Variants in TRAPPC10 observed in about 807,000 individuals in gnomAD.
The protein encoded by TRAPPC10 is trafficking protein particle complex subunit 10, also known as TRAPP 130 kDa subunit.
In TRAPPC10, 23 loss-of-function variants were observed where a neutral mutation model predicts 125.5. The observed-to-expected ratio is 0.18, with a 90% CI of 0.13 to 0.26. The LOEUF (loss-of-function observed/expected upper bound fraction) is 0.26. TRAPPC10 is among the 10% of genes least tolerant of loss of function. TRAPPC10 has a pLI of 1.00. For missense variants in TRAPPC10, 1,123 were observed against 1,308.4 expected (o/e 0.86, Z 2.19); for synonymous variants, 509 against 518.0 (o/e 0.98, Z 0.24).
intron 14 of TRAPPC10, 68 bp from the exon 15 acceptor site, chr21:44,084,054 C>T (rs2037947717): frequency 1.3e-5 from 21 of 1,589,208 alleles, no homozygotes; most frequent in Admixed American, 6.8e-5. Flanking sequence ...CGCTGCACCG[C>T]GCTACCGCAG....
intron 17 of TRAPPC10, chr21:44,089,064 G>C (rs989063449): frequency 4.8e-6 from 1 of 210,142 alleles, no homozygotes. Context: ...GCTATGTGCC[G>C]TGTTATCCTC....
At chr21:44,069,715 G>T (rs139333672) in intron 7 of TRAPPC10, among the ~76,000 whole-genome samples, 1 of 152,154 alleles carries the variant, frequency 6.6e-6, no homozygotes, top group African/African-American at 2.4e-5. Context: ...TGTGGCACCC[G>T]TGAGTCATTG....
At chr21:44,092,405 C>T (rs1035273138) in intron 19 of TRAPPC10, among the ~76,000 whole-genome samples, 3 of 152,178 alleles carry the variant, frequency 2.0e-5, no homozygotes, top group East Asian at 1.9e-4. Flanking sequence ...CGATGGTGCC[C>T]GACACCTTGG....
At chr21:44,083,326 G>T (rs2037891734) in intron 14 of TRAPPC10, 24 bp downstream of exon 14, 5 of 1,600,952 alleles carry the variant, frequency 3.1e-6, no homozygotes, top group South Asian at 2.2e-5. Context: ...GTGGGAACTT[G>T]ACTTTCAAGT....
At chr21:44,083,954 T>C (rs568860676) in intron 14 of TRAPPC10, among the ~76,000 whole-genome samples, 168 bp from the exon 15 acceptor site, 1 of 152,318 alleles carries the variant, frequency 6.6e-6, no homozygotes, top group South Asian at 2.1e-4. Flanking sequence ...TCTGAGGGCC[T>C]TGTGAAGAGC....
intron 11 of TRAPPC10, 191 bp from the exon 12 acceptor site, chr21:44,079,373 A>T: frequency 1.9e-6 from 1 of 540,172 alleles, no homozygotes; most frequent in South Asian, 3.0e-5. Flanking sequence ...TTTGCCTGGG[A>T]GTCTAATTAT....
At chr21:44,089,511 G>A (rs1000255526) in intron 17 of TRAPPC10, 5 of 485,160 alleles carry the variant, frequency 1.0e-5, no homozygotes, top group Non-Finnish European at 1.6e-5. Flanking sequence ...ATGGCTCCGC[G>A]GCCCTGCGTG....
intron 7 of TRAPPC10, among the ~76,000 whole-genome samples, chr21:44,071,270 A>C (rs963680361): frequency 9.2e-5 from 14 of 152,270 alleles, no homozygotes; most frequent in African/African-American, 3.1e-4. Flanking sequence ...TTCTAGGATA[A>C]TTTTATTTCT....
intron 17 of TRAPPC10, chr21:44,088,160 G>A: frequency 1.8e-6 from 1 of 559,420 alleles, no homozygotes. Context: ...TCAGTTCCAG[G>A]GGCCAGGGAG....
chr21:44,046,345 C>T, intron 3 of TRAPPC10: 1 of 274,876 alleles, frequency 3.6e-6, no homozygotes. Context: ...TCCAGGCATC[C>T]TTTAGACAGT....
intron 1 of TRAPPC10, among the ~76,000 whole-genome samples, chr21:44,020,231 A>C (rs1197040097): frequency 1.3e-5 from 2 of 150,176 alleles, no homozygotes; most frequent in Non-Finnish European, 3.0e-5. Context: ...GGTTCACGCT[A>C]TTCTCCTGCC....
intron 3 of TRAPPC10, among the ~76,000 whole-genome samples, chr21:44,050,632 C>T (rs182655291): frequency 3.5e-4 from 53 of 152,322 alleles, no homozygotes; most frequent in African/African-American, 1.3e-3. Flanking sequence ...GCTGTAAAAT[C>T]TATGCTTCAA....
chr21:44,086,650 G>C, intron 15 of TRAPPC10, 152 bp from the exon 16 acceptor site: 1 of 815,424 alleles, frequency 1.2e-6, no homozygotes, highest in South Asian at 1.7e-5. Context: ...AGTTAGGGCA[G>C]AAGGGAATGG....
intron 7 of TRAPPC10, among the ~76,000 whole-genome samples, chr21:44,069,795 G>C (rs150037928): frequency 1.5e-3 from 231 of 152,300 alleles, no homozygotes; most frequent in African/African-American, 5.4e-3. Flanking sequence ...CCGTGGCCCT[G>C]TAGTGTGCTA....
chr21:44,087,000 C>A, intron 16 of TRAPPC10, 40 bp downstream of exon 16: 1 of 1,608,114 alleles, frequency 6.2e-7, no homozygotes, highest in Non-Finnish European at 8.5e-7. Flanking sequence ...GGATGCCCAC[C>A]TTGCCCTGCA....
At chr21:44,031,008 G>C (rs947047136) in intron 1 of TRAPPC10, among the ~76,000 whole-genome samples, 9 of 152,100 alleles carry the variant, frequency 5.9e-5, no homozygotes, top group African/African-American at 2.2e-4. Flanking sequence ...AAGGTTAAAT[G>C]ATCTCCCCAG....
In TRAPPC10 at chr21:44,101,134, C is replaced by A; in HGVS notation, c.3347-1644C>A. 2.8e-5 allele frequency among the ~76,000 whole-genome samples: 2 copies of A among 72,424 alleles called. 1 individual carries two copies. Among genetic ancestry groups the A allele is most frequent in the Admixed American group, 3.0e-4 (2 of 6,690 alleles). The allele number at this position is 72,424 out of a possible 152,430, so 47.5% of individuals were successfully genotyped here. A position where few individuals can be genotyped will look rare whatever the true frequency, so the allele number is the denominator to read the frequency against. On this transcript the variant is annotated intron_variant, in intron 21 of 22. Coordinates refer to ENST00000291574, the MANE Select transcript of TRAPPC10 (RefSeq NM_003274.5). Reference sequence around the variant, plus strand: ...TTGCGCCACTGCACTCCAGCCTGGGCAACGAGCAAAACTCCGCCTCAACAA... The same window carrying A: ...TTGCGCCACTGCACTCCAGCCTGGGAAACGAGCAAAACTCCGCCTCAACAA...
intron 7 of TRAPPC10, among the ~76,000 whole-genome samples, chr21:44,066,450 C>T (rs369857147): frequency 6.6e-6 from 1 of 152,154 alleles, no homozygotes; most frequent in Admixed American, 6.5e-5. Context: ...CTGGGGTGAG[C>T]GGTAACACCC....
At chr21:44,084,046 C>T in intron 14 of TRAPPC10, 76 bp from the exon 15 acceptor site, 3 of 1,569,896 alleles carry the variant, frequency 1.9e-6, no homozygotes, top group African/African-American at 1.3e-5. Context: ...AGAGAGACCG[C>T]TGCACCGCGC....
Sources: allele counts gnomAD v4.1 joint callset (sites outside exome capture counted in the v4.1 genomes callset), GRCh38; gene constraint gnomAD v4.1.1; transcripts MANE v1.5; gene names NCBI Gene and HGNC (gene_info 2026-07-23, HGNC 2026-07-21).